The following SETD2 variants were observed in gnomAD, a reference collection of about 807,000 sequenced individuals.
SETD2 encodes histone-lysine N-methyltransferase SETD2.
Under a neutral mutation model 242.1 loss-of-function variants are expected in SETD2, and 31 were observed. The ratio of observed to expected loss-of-function variants is 0.13; its 90% confidence interval spans 0.10 to 0.17. The LOEUF (loss-of-function observed/expected upper bound fraction) is 0.17. Among genes scored for constraint, SETD2 ranks in the 10% least tolerant of loss-of-function variants. SETD2 has a pLI of 1.00. For synonymous variants in SETD2, 1,006 were observed against 1,066.5 expected, an observed-to-expected ratio of 0.94 and a Z score of 1.11; for missense variants, 2,481 against 3,046.3, an observed-to-expected ratio of 0.81 and a Z score of 4.37.
intron 1 of SETD2, among the ~76,000 whole-genome samples, chr3:47,138,888 A>C (rs2043657007): frequency 1.3e-5 from 2 of 152,146 alleles, no homozygotes; most frequent in African/African-American, 2.4e-5. Context: ...CCCCAGAAGG[A>C]ATCTCAATAG....
intron 2 of SETD2, among the ~76,000 whole-genome samples, chr3:47,125,222 G>A (rs1451209349): frequency 2.0e-5 from 3 of 152,074 alleles, no homozygotes; most frequent in Non-Finnish European, 2.9e-5. Flanking sequence ...GGGAGGCTGA[G>A]GTGGGAGAAT....
intron 4 of SETD2, 116 bp from the exon 5 acceptor site, chr3:47,114,120 A>T: frequency 9.4e-7 from 1 of 1,062,118 alleles, no homozygotes; most frequent in South Asian, 1.6e-5. Flanking sequence ...TATAATTAGC[A>T]TATGTATGAC....
intron 1 of SETD2, among the ~76,000 whole-genome samples, chr3:47,133,203 T>C (rs1291616937): frequency 6.6e-6 from 1 of 152,142 alleles, no homozygotes; most frequent in Non-Finnish European, 1.5e-5. Context: ...GAAATCTCTG[T>C]GTTTTAAAAA....
intron 3 of SETD2, among the ~76,000 whole-genome samples, chr3:47,117,100 A>C (rs1338531772): frequency 6.6e-6 from 1 of 152,082 alleles, no homozygotes; most frequent in Non-Finnish European, 1.5e-5. Flanking sequence ...CCTGGGCTCA[A>C]GAAATTCCCC....
chr3:47,130,592 A>G (rs1490748894), intron 1 of SETD2, among the ~76,000 whole-genome samples: 1 of 152,240 alleles, frequency 6.6e-6, no homozygotes, highest in Non-Finnish European at 1.5e-5. Flanking sequence ...TATCAAGAGC[A>G]AAGAAGAGAG....
intron 12 of SETD2, among the ~76,000 whole-genome samples, chr3:47,079,518 G>A (rs1241109048): frequency 2.0e-5 from 3 of 152,190 alleles, no homozygotes; most frequent in South Asian, 4.1e-4. Flanking sequence ...TCACCCAAAA[G>A]AGTAAAGTGA....
intron 12 of SETD2, among the ~76,000 whole-genome samples, chr3:47,074,480 T>C (rs2040962775): frequency 6.6e-6 from 1 of 152,234 alleles, no homozygotes; most frequent in South Asian, 2.1e-4. Flanking sequence ...GGTGTATTCT[T>C]GGTAAAGACC....
chr3:47,053,183 C>T (rs189061943), intron 15 of SETD2, among the ~76,000 whole-genome samples: 6 of 152,068 alleles, frequency 3.9e-5, no homozygotes, highest in South Asian at 2.1e-4. Flanking sequence ...CCACCATGCC[C>T]GGCCTAAAAT....
At chr3:47,111,500 G>A (rs1221182715) in intron 5 of SETD2, among the ~76,000 whole-genome samples, 3 of 152,132 alleles carry the variant, frequency 2.0e-5, no homozygotes, top group Admixed American at 1.3e-4. Context: ...AGCCTGGGAG[G>A]TCGACACTGC....
chr3:47,148,863 T>G (rs1050727980), intron 1 of SETD2, among the ~76,000 whole-genome samples: 3 of 152,162 alleles, frequency 2.0e-5, no homozygotes, highest in Admixed American at 6.5e-5. Context: ...TAATGGTGAA[T>G]GAAGGCTTGA....
At chr3:47,148,212 C>A (rs973619633) in intron 1 of SETD2, among the ~76,000 whole-genome samples, 4 of 152,030 alleles carry the variant, frequency 2.6e-5, no homozygotes, top group Non-Finnish European at 4.4e-5. Flanking sequence ...CTCACTGCAA[C>A]CTCTGCCTCC....
chr3:47,062,816 G>A (rs1318635959), intron 13 of SETD2, among the ~76,000 whole-genome samples: 10 of 152,040 alleles, frequency 6.6e-5, no homozygotes, highest in Non-Finnish European at 1.3e-4. Context: ...TACGCATGGT[G>A]GCTGTAGTCC....
At chr3:47,030,581 A>C (rs139513419) in intron 18 of SETD2, among the ~76,000 whole-genome samples, 19 of 152,344 alleles carry the variant, frequency 1.2e-4, no homozygotes, top group African/African-American at 4.3e-4. Flanking sequence ...CAAGAATCAC[A>C]AGCAGATTAA....
At chr3:47,092,464 T>C (rs1300663343) in intron 9 of SETD2, among the ~76,000 whole-genome samples, 1 of 150,714 alleles carries the variant, frequency 6.6e-6, no homozygotes, top group African/African-American at 2.4e-5. Flanking sequence ...TAAGAATGAT[T>C]AGGGTGTATT....
At chr3:47,022,232 C>CACACAA (rs1043249725) in intron 18 of SETD2, among the ~76,000 whole-genome samples, 2 of 144,426 alleles carry the variant, frequency 1.4e-5, no homozygotes, top group African/African-American at 2.6e-5. Context: ...CACACACACA[C>CACACAA]AAATTTAGCA....
chr3:47,108,973 G>A (rs1481456864), intron 5 of SETD2, among the ~76,000 whole-genome samples: 1 of 152,200 alleles, frequency 6.6e-6, no homozygotes, highest in Non-Finnish European at 1.5e-5. Flanking sequence ...CAAAGGCAAT[G>A]AGAAGTGTGA....
At chr3:47,153,855 C>T (rs544572493) in intron 1 of SETD2, among the ~76,000 whole-genome samples, 46 of 152,054 alleles carry the variant, frequency 3.0e-4, no homozygotes, top group Non-Finnish European at 6.2e-4. Context: ...AAATTATCTG[C>T]TTAATCCATC....
intron 1 of SETD2, chr3:47,157,600 G>C (rs186957837): frequency 4.4e-6 from 2 of 453,434 alleles, no homozygotes; most frequent in Non-Finnish European, 8.9e-6. Context: ...GACCAGGGGC[G>C]TGGTGGCTCA....
At chr3:47,157,449 T>C in intron 1 of SETD2, 1 of 455,874 alleles carries the variant, frequency 2.2e-6, no homozygotes, top group South Asian at 1.5e-5. Context: ...CTGCTTTGTA[T>C]CTCATTTGAA....
Sources: gnomAD v4.1 joint callset for allele counts (sites outside exome capture counted in the v4.1 genomes callset) on GRCh38, gnomAD v4.1.1 for gene constraint, MANE v1.5 for transcripts, NCBI Gene and HGNC (gene_info 2026-07-23, HGNC 2026-07-21) for gene names.